RSU1: variants seen among roughly 807,000 people sequenced by gnomAD.
RSU1 encodes rsu-1.
RSU1 carries 26 observed loss-of-function variants against 31.1 expected under a neutral mutation model. The observed-to-expected ratio is 0.84, with a 90% CI of 0.61 to 1.16. The LOEUF (loss-of-function observed/expected upper bound fraction) is 1.16. Among genes scored for constraint, RSU1 ranks in the 50% most tolerant of loss-of-function variants. The pLI, the probability that RSU1 is intolerant of heterozygous loss-of-function variation, is 0.00. For synonymous variants in RSU1, 164 were observed against 136.3 expected, an observed-to-expected ratio of 1.20 and a Z score of -1.41; for missense variants, 320 against 339.1, an observed-to-expected ratio of 0.94 and a Z score of 0.44.
At chr10:16,642,820 A>C (rs1432032836) in intron 8 of RSU1, among the ~76,000 whole-genome samples, 1 of 152,166 alleles carries the variant, frequency 6.6e-6, no homozygotes, top group Admixed American at 6.5e-5. Context: ...CCTTTCCAAT[A>C]GTTATGCATT....
At chr10:16,691,722 CTTTTTTTTT>C (rs58786188) in intron 8 of RSU1, among the ~76,000 whole-genome samples, 7 of 106,042 alleles carry the variant, frequency 6.6e-5, no homozygotes, top group South Asian at 3.4e-4. Flanking sequence ...GCTGCTGCTT[CTTTTTTTTT>C]TTTTTTTTTT....
intron 8 of RSU1, among the ~76,000 whole-genome samples, chr10:16,641,429 T>A (rs543164121): frequency 6.6e-6 from 1 of 150,762 alleles, no homozygotes; most frequent in African/African-American, 2.5e-5. Flanking sequence ...GAGGCGGAGG[T>A]TGCAGTAAGC....
chr10:16,592,860 T>A lies in RSU1; in HGVS notation c.*534A>T, dbSNP rs1457065759. The A allele has an allele frequency of 6.6e-6, 1 of 152,256 alleles. No individual in the cohort carries two copies. The highest frequency in any genetic ancestry group is 2.4e-5 in the African/African-American group (1 of 41,460). The allele number at this position is 152,256 out of a possible 1,614,324, so 9.4% of individuals were successfully genotyped here. A position where few individuals can be genotyped will look rare whatever the true frequency, so the allele number is the denominator to read the frequency against. The stretch of plus-strand genomic sequence containing the variant: ...GGGAGAAAAGTAAATGAAAATGTGT[T>A]ATACCCCAAGATCAGACTGTTCTTT... On this transcript the variant is annotated 3_prime_UTR_variant, in exon 9 of 9. Transcript: ENST00000345264.
intron 3 of RSU1, among the ~76,000 whole-genome samples, chr10:16,767,028 A>C (rs1588521849): frequency 6.6e-6 from 1 of 151,678 alleles, no homozygotes; most frequent in East Asian, 1.9e-4. Flanking sequence ...TGTCCAAAAA[A>C]AAAAAAAAAG....
intron 2 of RSU1, among the ~76,000 whole-genome samples, chr10:16,785,441 C>CATATATATAT (rs1295145497): frequency 7.3e-5 from 10 of 137,590 alleles, no homozygotes; most frequent in South Asian, 2.2e-4. Context: ...TATATATATA[C>CATATATATAT]ACATATATAC....
At chr10:16,704,477 G>A (rs555665193) in intron 7 of RSU1, among the ~76,000 whole-genome samples, 24 of 152,322 alleles carry the variant, frequency 1.6e-4, no homozygotes, top group African/African-American at 5.5e-4. Flanking sequence ...CTCTTTCAGA[G>A]GCCTTGGTCT....
intron 8 of RSU1, among the ~76,000 whole-genome samples, chr10:16,674,479 T>C (rs1354238336): frequency 1.3e-5 from 2 of 149,684 alleles, no homozygotes; most frequent in African/African-American, 4.9e-5. Context: ...CAACAACAGC[T>C]CTCATCGAAT....
chr10:16,660,645 C>CTCTTTT (rs1554764414), intron 8 of RSU1, among the ~76,000 whole-genome samples: 5 of 79,546 alleles, frequency 6.3e-5, no homozygotes, highest in Middle Eastern at 8.8e-3. Flanking sequence ...CTTGAACTCT[C>CTCTTTT]TTTTTTTTTT....
chr10:16,761,276 T>C (rs1328386867), intron 4 of RSU1, among the ~76,000 whole-genome samples: 2 of 152,226 alleles, frequency 1.3e-5, no homozygotes, highest in African/African-American at 4.8e-5. Context: ...GTGCTTTTCT[T>C]AGCACTTTTT....
chr10:16,647,337 T>C (rs970119526), intron 8 of RSU1, among the ~76,000 whole-genome samples: 5 of 152,024 alleles, frequency 3.3e-5, no homozygotes, highest in African/African-American at 1.2e-4. Flanking sequence ...TGGAAAAGAG[T>C]CTGGCTGCTC....
intron 8 of RSU1, among the ~76,000 whole-genome samples, chr10:16,670,337 C>G (rs1020851329): frequency 6.6e-6 from 1 of 152,146 alleles, no homozygotes; most frequent in Non-Finnish European, 1.5e-5. Context: ...ATGGTAAGAT[C>G]CAAGATATGG....
At chr10:16,710,578 G>C (rs1423319918) in intron 7 of RSU1, among the ~76,000 whole-genome samples, 1 of 150,980 alleles carries the variant, frequency 6.6e-6, no homozygotes, top group Admixed American at 6.6e-5. Flanking sequence ...GAGGAGAACT[G>C]TTATTAGTTC....
intron 8 of RSU1, among the ~76,000 whole-genome samples, chr10:16,652,960 T>C (rs1402060572): frequency 6.6e-6 from 1 of 152,114 alleles, no homozygotes; most frequent in Non-Finnish European, 1.5e-5. Context: ...ATTACATGCG[T>C]GAGCCACAAT....
At chr10:16,667,286 G>A (rs1239646340) in intron 8 of RSU1, among the ~76,000 whole-genome samples, 1 of 152,142 alleles carries the variant, frequency 6.6e-6, no homozygotes, top group East Asian at 1.9e-4. Flanking sequence ...TAAGAGCACT[G>A]AGCATTTGGA....
At chr10:16,606,349 G>C (rs1463995320) in intron 8 of RSU1, among the ~76,000 whole-genome samples, 1 of 151,934 alleles carries the variant, frequency 6.6e-6, no homozygotes, top group Non-Finnish European at 1.5e-5. Flanking sequence ...TATTGCCCAG[G>C]TTAGTGTCAA....
chr10:16,654,867 T>A (rs1398989451), intron 8 of RSU1, among the ~76,000 whole-genome samples: 1 of 151,874 alleles, frequency 6.6e-6, no homozygotes, highest in East Asian at 1.9e-4. Context: ...GAGACCAGCC[T>A]GGGCAACATA....
chr10:16,759,880 G>GAGGGTGCCTTTTGA (rs1268991085), intron 4 of RSU1, among the ~76,000 whole-genome samples: 4 of 152,068 alleles, frequency 2.6e-5, no homozygotes, highest in African/African-American at 9.7e-5. Context: ...AATTCTGATG[G>GAGGGTGCCTTTTGA]ATCACACATA....
rs1455949861 is a variant in RSU1, at chr10:16,609,139, T to C, written c.732-15643A>G. 2.0e-5 allele frequency among the ~76,000 whole-genome samples: 3 copies of C among 152,290 alleles called. No individual in the cohort carries two copies. In the South Asian group the frequency reaches 6.2e-4, roughly 32 times the overall value. On this transcript the variant is annotated intron_variant, in intron 8 of 8. Coordinates refer to ENST00000345264, the MANE Select transcript of RSU1 (RefSeq NM_012425.4). ...CTGGGATTACAGGTGTGAGCCACGGTGCCCAGCCTAAAATCAGATTTTTAA... is the reference window on the plus strand; with the variant it reads ...CTGGGATTACAGGTGTGAGCCACGGCGCCCAGCCTAAAATCAGATTTTTAA...
At position 16,697,476 on chromosome 10, in the gene RSU1, C is replaced by T. The variant is rs549463634; in HGVS notation, c.599-2321G>A. Among the ~76,000 whole-genome samples the T allele has an allele frequency of 3.9e-5, 6 of 151,960 alleles. No homozygotes were observed. The East Asian group carries it at 9.7e-4, about 25-fold the overall frequency. ...GTTCCAGACCACAAGGCAATTTGGC[C>T]AACATGGCAAAACCCAGTCTCTGCT... On this transcript the variant is annotated intron_variant, in intron 7 of 8. Transcript: ENST00000345264.
Sources: allele counts gnomAD v4.1 joint callset (sites outside exome capture counted in the v4.1 genomes callset), GRCh38; gene constraint gnomAD v4.1.1; transcripts MANE v1.5; gene names NCBI Gene and HGNC (gene_info 2026-07-23, HGNC 2026-07-21).